KCNH7: variants seen among roughly 807,000 people sequenced by gnomAD.
The protein encoded by KCNH7 is potassium voltage-gated channel subfamily H member 7, also known as voltage-gated inwardly rectifying potassium channel KCNH7.
In KCNH7, 49 loss-of-function variants were observed where a neutral mutation model predicts 120.8. The ratio of observed to expected loss-of-function variants is 0.41; its 90% CI spans 0.32 to 0.51. The LOEUF is 0.51. Among genes scored for constraint, KCNH7 ranks in the 20% least tolerant of loss-of-function variants. The pLI, the probability that KCNH7 is intolerant of heterozygous loss-of-function variation, is 0.38. For synonymous variants in KCNH7, 547 were observed against 516.1 expected (o/e 1.06, Z -0.81); for missense variants, 1,097 against 1,446.6 (o/e 0.76, Z 3.92).
At chr2:162,628,827 C>T (rs1683653391) in intron 2 of KCNH7, among the ~76,000 whole-genome samples, 1 of 151,978 alleles carries the variant, frequency 6.6e-6, no homozygotes. Context: ...TGTATGTGTG[C>T]CACTTTATTG....
In KCNH7 at chr2:162,459,326, A is replaced by C. The variant is rs531498030; in HGVS notation, c.1129-12883T>G. ...GCTTAAAGAGAAAGAGCCTATGCAA[A>C]TAAAAGTATAGGAAATTCACAAGAG... On this transcript the variant is annotated intron_variant, in intron 6 of 15. Transcript: ENST00000332142. Among the ~76,000 whole-genome samples, 3 of 152,288 alleles carry C rather than the reference A, an allele frequency of 2.0e-5. No homozygotes were observed. The South Asian group carries it at 6.2e-4, about 32-fold the overall frequency.
intron 9 of KCNH7, among the ~76,000 whole-genome samples, chr2:162,401,184 A>T (rs1290105794): frequency 1.3e-5 from 2 of 151,936 alleles, no homozygotes; most frequent in Non-Finnish European, 2.9e-5. Context: ...TGTTGAACAG[A>T]TTAAACAATA....
At position 162,384,778 on chromosome 2, in the gene KCNH7, C is replaced by T; in HGVS notation, c.2872G>A (p.Gly958Arg). ...TCGAGCCCAGATGCTTTCCCTATTC[C>T]TGGAGAAGAGTCTACTATTCCTGAG... ...LFSGIVDSSP[G>R]IGKASGLDFE... Residue 958 changes from glycine to arginine, a missense_variant, in exon 13 of 16, where the codon GGA (glycine) becomes AGA (arginine). This residue lies in a region of KCNH7 where 406 missense variants were observed against 410.5 expected (regional missense o/e 0.99). Transcript: ENST00000332142. The T allele has an allele frequency of 6.2e-7, 1 of 1,612,810 alleles. No homozygotes were observed.
chr2:162,518,289 G>C lies in KCNH7; in HGVS notation c.464-131C>G, dbSNP rs1691388679. ...TGAATCAATGGTTATAGTTGGAATA[G>C]AGGATATTGTAGAAAACTTCTCTGA... is the stretch of plus-strand genomic sequence containing the variant. On this transcript the variant is annotated intron_variant, in intron 3 of 15. Coordinates refer to ENST00000332142, the MANE Select transcript of KCNH7 (RefSeq NM_033272.4). 8.7e-6 allele frequency: 6 copies of C among 691,622 alleles called. No individual in the cohort carries two copies. In the South Asian group the frequency reaches 1.0e-4, roughly 12 times the overall value. 42.8% of individuals were successfully genotyped at this position (691,622 alleles called of 1,614,324 possible).
chr2:162,588,746 CCTT>C (rs1419529012), intron 2 of KCNH7, among the ~76,000 whole-genome samples: 1 of 152,058 alleles, frequency 6.6e-6, no homozygotes, highest in Non-Finnish European at 1.5e-5. Flanking sequence ...GTGATATCCT[CCTT>C]CTAGCTATTT....
chr2:162,554,381 A>G (rs1332849103), intron 2 of KCNH7, among the ~76,000 whole-genome samples: 1 of 152,148 alleles, frequency 6.6e-6, no homozygotes, highest in African/African-American at 2.4e-5. Context: ...TAAGTAATAA[A>G]GGTGAAAATT....
intron 2 of KCNH7, among the ~76,000 whole-genome samples, chr2:162,683,296 T>C (rs1056860289): frequency 4.6e-5 from 7 of 152,034 alleles, no homozygotes; most frequent in Non-Finnish European, 8.8e-5. Flanking sequence ...CAGAATTTCC[T>C]ATTCAGAGAG....
At chr2:162,479,673 A>ATGTG (rs71009359) in intron 6 of KCNH7, among the ~76,000 whole-genome samples, 21,437 of 145,146 alleles carry the variant, frequency 0.15, 2,323 homozygotes, top group African/African-American at 0.3. Flanking sequence ...GTGTGTGTGC[A>ATGTG]TGTGTGTGTG....
At chr2:162,408,077 G>A (rs1456600277) in intron 9 of KCNH7, among the ~76,000 whole-genome samples, 1 of 151,996 alleles carries the variant, frequency 6.6e-6, no homozygotes, top group African/African-American at 2.4e-5. Context: ...ATTTGTAGAA[G>A]GACAAAGACT....
At chr2:162,458,391 C>T (rs1389730733) in intron 6 of KCNH7, among the ~76,000 whole-genome samples, 2 of 151,904 alleles carry the variant, frequency 1.3e-5, no homozygotes, top group African/African-American at 4.8e-5. Context: ...TCCAAGCCAC[C>T]CACCAGCAAC....
chr2:162,626,841 G>A (rs988040850), intron 2 of KCNH7, among the ~76,000 whole-genome samples: 62 of 152,088 alleles, frequency 4.1e-4, no homozygotes, highest in African/African-American at 1.5e-3. Flanking sequence ...GGAAATAGAG[G>A]GTAACTAAGC....
intron 3 of KCNH7, chr2:162,528,419 A>C (rs1414270585): frequency 6.6e-6 from 1 of 151,928 alleles, no homozygotes; most frequent in Non-Finnish European, 1.5e-5. Context: ...ATCTCACAGG[A>C]CCCATGTGGG....
At chr2:162,811,422 T>C (rs1684729401) in intron 2 of KCNH7, among the ~76,000 whole-genome samples, 1 of 152,116 alleles carries the variant, frequency 6.6e-6, no homozygotes, top group Admixed American at 6.6e-5. Flanking sequence ...GCCAAAGGTT[T>C]CCATGAGCCA....
intron 8 of KCNH7, among the ~76,000 whole-genome samples, chr2:162,434,732 T>TAC (rs1688182296): frequency 1.3e-5 from 2 of 151,906 alleles, no homozygotes; most frequent in African/African-American, 4.8e-5. Context: ...TACACATACA[T>TAC]ACATATGTAT....
rs922568773 is a variant in KCNH7 at position 162,829,833 on chromosome 2, CTTG to C, written c.307+6701_307+6703del. On this transcript the variant is annotated intron_variant, in intron 2 of 15. Coordinates refer to ENST00000332142, the MANE Select transcript of KCNH7 (RefSeq NM_033272.4). ...TCCTATAACACACTTTCCCCCAGATCTTGTTAACTTTATCTGTTTTTTTTTTTT... is the reference window on the plus strand; with the variant it reads ...TCCTATAACACACTTTCCCCCAGATCTTAACTTTATCTGTTTTTTTTTTTT... Among the ~76,000 whole-genome samples the C allele has an allele frequency of 2.1e-5, 3 of 142,770 alleles. No individual in the cohort carries two copies. In the Admixed American group the frequency reaches 2.2e-4, roughly 10 times the overall value. The allele number at this position is 142,770 out of a possible 152,430, so 93.7% of individuals were successfully genotyped here.
chr2:162,494,371 T>C (rs1190099840), intron 6 of KCNH7, among the ~76,000 whole-genome samples: 2 of 152,152 alleles, frequency 1.3e-5, no homozygotes, highest in Non-Finnish European at 2.9e-5. Context: ...AGTTTCAATG[T>C]TGTCTTTCCT....
intron 2 of KCNH7, among the ~76,000 whole-genome samples, chr2:162,790,839 A>G (rs1683911246): frequency 6.6e-6 from 1 of 152,146 alleles, no homozygotes; most frequent in African/African-American, 2.4e-5. Flanking sequence ...TTCAACATTA[A>G]AAAGGCCATA....
In KCNH7 at chr2:162,581,670, T is replaced by C. The variant is rs376929976; in HGVS notation, c.308-44590A>G. On this transcript the variant is annotated intron_variant, in intron 2 of 15. Coordinates refer to ENST00000332142, the MANE Select transcript of KCNH7 (RefSeq NM_033272.4). ...ATGCAAACGTTTTTATATAATGTTA[T>C]CCTGTTAGGTCACTAGACTGACTGA... Among the ~76,000 whole-genome samples, 38 of 152,218 alleles carry C rather than the reference T, an allele frequency of 2.5e-4. 1 individual carries two copies. The East Asian group carries it at 6.6e-3, about 26-fold the overall frequency.
At chr2:162,592,134 G>A (rs554340996) in intron 2 of KCNH7, among the ~76,000 whole-genome samples, 4 of 152,142 alleles carry the variant, frequency 2.6e-5, no homozygotes, top group African/African-American at 9.6e-5. Flanking sequence ...AGTGTACTAG[G>A]TTGGTGGGGT....
Sources: allele counts gnomAD v4.1 joint callset (sites outside exome capture counted in the v4.1 genomes callset), GRCh38; gene constraint gnomAD v4.1.1; regional missense constraint gnomAD v4.1.1; transcripts MANE v1.5; gene names NCBI Gene and HGNC (gene_info 2026-07-23, HGNC 2026-07-21).